Variants in IL13RA2 observed in about 807,000 individuals in gnomAD.
The protein encoded by IL13RA2 is interleukin 13 receptor subunit alpha 2.
IL13RA2 carries 25 observed loss-of-function variants against 34.1 expected under a neutral mutation model. The ratio of observed to expected loss-of-function variants is 0.73; its 90% CI spans 0.53 to 1.03. The LOEUF is 1.03. Among genes scored for constraint, IL13RA2 ranks in the 50% least tolerant of loss-of-function variants. The pLI, the probability that IL13RA2 is intolerant of heterozygous loss-of-function variation, is 0.00. For synonymous variants in IL13RA2, 106 were observed against 100.4 expected (o/e 1.06, Z -0.33); for missense variants, 297 against 280.9 (o/e 1.06, Z -0.41).
chrX:115,008,274 TTATC>T (rs1330270715), intron 7 of IL13RA2, among the ~76,000 whole-genome samples, 198 bp from the exon 8 acceptor site: 2 of 111,354 alleles, frequency 1.8e-5, no homozygotes, highest in East Asian at 5.7e-4. Context: ...CTTCCCTTCT[TTATC>T]TATATTTTAT....
intron 9 of IL13RA2, among the ~76,000 whole-genome samples, chrX:115,004,974 T>C (rs1295209901): frequency 8.9e-6 from 1 of 112,930 alleles, no homozygotes; most frequent in Non-Finnish European, 1.9e-5. Flanking sequence ...TGTTTAAAGT[T>C]TGATTTCGAC....
At position 115,008,045 on chromosome X, in the gene IL13RA2, A is replaced by C; in HGVS notation, c.884T>G (p.Leu295Trp). 8.6e-7 allele frequency: 1 copy of C among 1,159,608 alleles called. No individual in the cohort carries two copies. Among genetic ancestry groups the C allele is most frequent in the Non-Finnish European group, 1.2e-6 (1 of 850,106 alleles). ...TTGTCGGGTTTCATTTGTTGTTTTCAAGGTGTATGTTTCATTTTCAACTGT... is the reference window on the plus strand; with the variant it reads ...TTGTCGGGTTTCATTTGTTGTTTTCCAGGTGTATGTTTCATTTTCAACTGT... ...TATVENETYT[L>W]KTTNETRQLC... is the part of the protein sequence containing the mutation. The change falls in exon 8 of 10, where the codon TTG becomes TGG. Residue 295 changes from leucine (L) to tryptophan (W), a missense_variant. Physicochemically the swap from Leu to Trp is moderately conservative, Grantham distance 61 (BLOSUM62 -2). Transcript: ENST00000243213.
intron 8 of IL13RA2, among the ~76,000 whole-genome samples, 197 bp downstream of exon 8, chrX:115,007,735 A>G (rs2071690621): frequency 8.9e-6 from 1 of 112,084 alleles, no homozygotes; most frequent in Admixed American, 9.5e-5. Context: ...AAGTATAACA[A>G]TATTCCTAGT....
chrX:115,011,963 T>C (rs893019670), intron 5 of IL13RA2, among the ~76,000 whole-genome samples: 2 of 112,108 alleles, frequency 1.8e-5, no homozygotes, highest in Admixed American at 9.5e-5. Context: ...ATTTGTTGAA[T>C]TAATGAACAA....
At chrX:115,012,239 T>G (rs1287233628) in intron 5 of IL13RA2, among the ~76,000 whole-genome samples, 1 of 112,166 alleles carries the variant, frequency 8.9e-6, no homozygotes, top group Non-Finnish European at 1.9e-5. Context: ...AGTAAATGCA[T>G]ATGTTTGGAT....
intron 8 of IL13RA2, 51 bp downstream of exon 8, chrX:115,007,881 A>C (rs2071691207): frequency 1.3e-6 from 1 of 765,654 alleles, no homozygotes; most frequent in Non-Finnish European, 1.9e-6. Flanking sequence ...AAGAAAATTA[A>C]TTTTGCTAGC....
chrX:115,011,495 G>A (rs1420711295), intron 5 of IL13RA2, among the ~76,000 whole-genome samples: 3 of 111,711 alleles, frequency 2.7e-5, no homozygotes, highest in African/African-American at 6.5e-5. Flanking sequence ...TACTAAATTC[G>A]AAAGCAACAA....
chrX:115,004,477 C>T (rs1022249843), intron 9 of IL13RA2, among the ~76,000 whole-genome samples: 9 of 105,557 alleles, frequency 8.5e-5, no homozygotes, highest in Non-Finnish European at 1.8e-4. Context: ...TATGTTGGTG[C>T]CTGCCTGTAG....
chrX:115,006,902 C>T (rs1038635850), intron 8 of IL13RA2, among the ~76,000 whole-genome samples: 1 of 111,656 alleles, frequency 9.0e-6, no homozygotes, highest in African/African-American at 3.3e-5. Context: ...AAATGAAAAA[C>T]ATAAAACTAG....
At chrX:115,013,728 G>T in intron 5 of IL13RA2, 41 bp downstream of exon 5, 7 of 753,375 alleles carry the variant, frequency 9.3e-6, no homozygotes, top group Non-Finnish European at 1.2e-5. Flanking sequence ...AACTTGAGTA[G>T]ACATTTTTTA....
In IL13RA2 at chrX:115,005,254, T is replaced by C; in HGVS notation, c.1059A>G (p.Ile353Met). 8.7e-7 allele frequency: 1 copy of C among 1,150,668 alleles called. No homozygotes were observed. Among genetic ancestry groups the C allele is most frequent in the Non-Finnish European group, 1.2e-6 (1 of 839,613 alleles). 94.8% of individuals were successfully genotyped at this position (1,150,668 alleles called of 1,213,427 possible). Residue 353 changes from isoleucine (I) to methionine (M), a missense_variant, in exon 9 of 10, where the codon ATA (isoleucine) becomes ATG (methionine). By Grantham distance (10) the Ile-to-Met change is conservative. Transcript: ENST00000243213. Reference sequence around the variant, plus strand: ...GCAGACCGGTTACAAATATAACTAATATTAAGATGAAACCAAATGGTAGCC... The same window carrying C: ...GCAGACCGGTTACAAATATAACTAACATTAAGATGAAACCAAATGGTAGCC... The part of the protein sequence containing the change: ...RFWLPFGFIL[I>M]LVIFVTGLLL...
intron 7 of IL13RA2, among the ~76,000 whole-genome samples, chrX:115,009,217 T>TA (rs2071696493): frequency 9.1e-6 from 1 of 109,610 alleles, no homozygotes; most frequent in African/African-American, 3.3e-5. Flanking sequence ...TTTTTTTTTT[T>TA]AATTTTGTTT....
At chrX:115,016,842 T>C (rs1556510217) in intron 2 of IL13RA2, among the ~76,000 whole-genome samples, 1 of 109,799 alleles carries the variant, frequency 9.1e-6, no homozygotes, top group East Asian at 2.8e-4. Flanking sequence ...AGGATAGTAA[T>C]TAAGGAACTG....
rs1240894995 is a variant in IL13RA2, at chrX:115,016,305, G to A, written c.95-484C>T. On this transcript the variant is annotated intron_variant, in intron 2 of 9. Transcript: ENST00000243213. Reference sequence around the variant, plus strand: ...TTTACTATACATGTATAGTTTTAAAGAATATAGTTTTGTATAAAGAGTTAG... The same window carrying A: ...TTTACTATACATGTATAGTTTTAAAAAATATAGTTTTGTATAAAGAGTTAG... Among the ~76,000 whole-genome samples the A allele has an allele frequency of 1.4e-4, 16 of 111,038 alleles. No individual in the cohort carries two copies. The Admixed American group carries it at 1.6e-3, about 11-fold the overall frequency.
intron 9 of IL13RA2, 96 bp downstream of exon 9, chrX:115,005,101 G>A: frequency 1.9e-6 from 1 of 528,920 alleles, no homozygotes; most frequent in Non-Finnish European, 3.3e-6. Flanking sequence ...CAGCGAACAA[G>A]CAAAATTATA....
rs927491937 is a variant in IL13RA2 at position 115,006,823 on chromosome X, A to C, written c.997+1109T>G. ...TCACCATAACCACTTTATACAATGC[A>C]TTGACTAATGACGAGATATAGTTCA... On this transcript the variant is annotated intron_variant, in intron 8 of 9. Transcript: ENST00000243213. Among the ~76,000 whole-genome samples the C allele has an allele frequency of 4.3e-4, 48 of 112,450 alleles. 1 individual carries two copies. Among genetic ancestry groups the C allele is most frequent in the African/African-American group, 1.5e-3 (48 of 31,022 alleles).
intron 8 of IL13RA2, among the ~76,000 whole-genome samples, chrX:115,006,766 AG>A (rs1269623353): frequency 8.9e-6 from 1 of 112,252 alleles, no homozygotes; most frequent in East Asian, 2.8e-4. Flanking sequence ...AATACAGAAA[AG>A]AATATATTTT....
At position 115,013,895 on chromosome X, in the gene IL13RA2, G is replaced by T; in HGVS notation, c.401-6C>A. The stretch of plus-strand genomic sequence containing the variant: ...AACTTTAGTTTCTGGAATTCCTAAG[G>T]AACAAATCAACTGTGAATGTTTGAA... On this transcript the variant is annotated splice_region_variant and splice_polypyrimidine_tract_variant and intron_variant, in intron 4 of 9. Coordinates refer to ENST00000243213, the MANE Select transcript of IL13RA2 (RefSeq NM_000640.3). 9.5e-7 allele frequency: 1 copy of T among 1,049,055 alleles called. No homozygotes were observed. Among genetic ancestry groups the T allele is most frequent in the Non-Finnish European group, 1.3e-6 (1 of 751,282 alleles). 86.5% of individuals were successfully genotyped at this position (1,049,055 alleles called of 1,213,427 possible).
intron 6 of IL13RA2, among the ~76,000 whole-genome samples, chrX:115,010,113 G>A (rs6655345): frequency 0.094 from 10,427 of 111,180 alleles, 1,217 homozygotes; most frequent in African/African-American, 0.32. Context: ...GTGGTCCTCT[G>A]TTATCCTCAT....
Sources: allele counts gnomAD v4.1 joint callset (sites outside exome capture counted in the v4.1 genomes callset), GRCh38; gene constraint gnomAD v4.1.1; transcripts MANE v1.5; gene names NCBI Gene and HGNC (gene_info 2026-07-23, HGNC 2026-07-21).